CDK14: variants seen among roughly 807,000 people sequenced by gnomAD.
CDK14 encodes cyclin-dependent kinase 14.
Under a neutral mutation model 60.7 loss-of-function variants are expected in CDK14, and 34 were observed. The ratio of observed to expected loss-of-function variants is 0.56; its 90% CI spans 0.43 to 0.75. The LOEUF (loss-of-function observed/expected upper bound fraction) is 0.75, where lower values mean the gene tolerates loss of function less well. CDK14 is among the 30% of genes least tolerant of loss of function. The pLI is 0.00. For synonymous variants in CDK14, 197 were observed against 203.7 expected (o/e 0.97, Z 0.28); for missense variants, 482 against 564.1 (o/e 0.85, Z 1.47).
At chr7:90,698,384 A>G (rs1372780059) in intron 2 of CDK14, among the ~76,000 whole-genome samples, 3 of 152,186 alleles carry the variant, frequency 2.0e-5, no homozygotes, top group Non-Finnish European at 4.4e-5. Flanking sequence ...AAAGAGGGAA[A>G]ATACTTTTGT....
rs139543599 is a variant in CDK14, at chr7:91,053,985, A to G, written c.1105+8025A>G. Reference sequence around the variant, plus strand: ...AAACTATTTTTACATTCCCTTCAATATTTGTTATTTATACTCTACCTATTT... The same window carrying G: ...AAACTATTTTTACATTCCCTTCAATGTTTGTTATTTATACTCTACCTATTT... On this transcript the variant is annotated intron_variant, in intron 11 of 14. Transcript: ENST00000380050. Among the ~76,000 whole-genome samples, 259 of 150,960 alleles carry G rather than the reference A, an allele frequency of 1.7e-3. 6 individuals are homozygous for G. The East Asian group carries it at 0.04, about 23-fold the overall frequency.
At chr7:90,770,060 G>A (rs1437995721) in intron 4 of CDK14, among the ~76,000 whole-genome samples, 1 of 152,072 alleles carries the variant, frequency 6.6e-6, no homozygotes, top group East Asian at 1.9e-4. Flanking sequence ...TTACTGAATC[G>A]CTTCTTGGTT....
At chr7:90,603,752 A>C (rs1000044041) in intron 1 of CDK14, among the ~76,000 whole-genome samples, 2 of 152,246 alleles carry the variant, frequency 1.3e-5, no homozygotes, top group East Asian at 3.8e-4. Context: ...TTGTTTTAGC[A>C]GGCTTAGTCT....
chr7:91,039,120 C>T (rs1249021977), intron 10 of CDK14, among the ~76,000 whole-genome samples: 2 of 152,110 alleles, frequency 1.3e-5, no homozygotes, highest in African/African-American at 2.4e-5. Context: ...GCTTGACAAG[C>T]GCCCAGTCAC....
intron 6 of CDK14, among the ~76,000 whole-genome samples, chr7:90,870,944 G>A (rs1014688150): frequency 3.3e-5 from 5 of 152,146 alleles, no homozygotes; most frequent in African/African-American, 1.2e-4. Flanking sequence ...TTTAAAACAA[G>A]AATAGAAATC....
chr7:90,812,858 G>A (rs913075898), intron 5 of CDK14, among the ~76,000 whole-genome samples: 3 of 152,098 alleles, frequency 2.0e-5, no homozygotes, highest in African/African-American at 7.2e-5. Flanking sequence ...TAGTTTGACT[G>A]TTTTTTAAAG....
intron 5 of CDK14, among the ~76,000 whole-genome samples, chr7:90,822,669 G>T (rs1184129927): frequency 6.6e-6 from 1 of 152,142 alleles, no homozygotes; most frequent in Non-Finnish European, 1.5e-5. Context: ...AAACTTAGGT[G>T]CATAAATGAA....
intron 5 of CDK14, among the ~76,000 whole-genome samples, chr7:90,796,134 C>T (rs775728079): frequency 4.6e-5 from 7 of 151,976 alleles, no homozygotes; most frequent in Admixed American, 6.6e-5. Context: ...AGGAACTGGC[C>T]CTCAGTTGCG....
At chr7:90,848,538 A>G (rs1217325031) in intron 5 of CDK14, among the ~76,000 whole-genome samples, 1 of 152,032 alleles carries the variant, frequency 6.6e-6, no homozygotes, top group East Asian at 1.9e-4. Context: ...TTATTTCTTT[A>G]TTCCTCATTT....
chr7:90,867,200 A>G (rs768336392), intron 6 of CDK14, among the ~76,000 whole-genome samples: 6 of 152,178 alleles, frequency 3.9e-5, no homozygotes, highest in African/African-American at 7.2e-5. Flanking sequence ...AATGGTCTAA[A>G]ATATTATTAT....
chr7:90,864,935 T>G (rs140984582), intron 6 of CDK14, among the ~76,000 whole-genome samples: 1 of 152,248 alleles, frequency 6.6e-6, no homozygotes, highest in Non-Finnish European at 1.5e-5. Flanking sequence ...TGTTCCCAAC[T>G]TCTCCATGGA....
chr7:90,682,449 G>T (rs1227711565), intron 2 of CDK14, among the ~76,000 whole-genome samples: 1 of 152,092 alleles, frequency 6.6e-6, no homozygotes, highest in Admixed American at 6.5e-5. Flanking sequence ...TAGATAGGTA[G>T]ACATATAGTC....
At chr7:90,659,124 T>C (rs965368211) in intron 2 of CDK14, among the ~76,000 whole-genome samples, 2 of 152,244 alleles carry the variant, frequency 1.3e-5, no homozygotes, top group Non-Finnish European at 2.9e-5. Flanking sequence ...TTTCCTCTTA[T>C]GTCTTTCTTC....
chr7:91,176,991 G>A (rs1220713212), intron 14 of CDK14, among the ~76,000 whole-genome samples: 2 of 151,602 alleles, frequency 1.3e-5, no homozygotes, highest in African/African-American at 2.4e-5. Context: ...CCAAAGCCAG[G>A]CAGAGACACA....
chr7:90,994,520 T>A (rs1426410372), intron 10 of CDK14, among the ~76,000 whole-genome samples: 2 of 152,206 alleles, frequency 1.3e-5, no homozygotes, highest in Non-Finnish European at 2.9e-5. Flanking sequence ...GGACTGTGTT[T>A]TCAAGCTGCC....
At chr7:90,690,473 C>A (rs1236908187) in intron 2 of CDK14, among the ~76,000 whole-genome samples, 1 of 152,022 alleles carries the variant, frequency 6.6e-6, no homozygotes, top group Non-Finnish European at 1.5e-5. Context: ...TTAGAAATAC[C>A]CATTATTATG....
chr7:90,794,931 A>G (rs1805992690), intron 5 of CDK14, among the ~76,000 whole-genome samples: 1 of 152,220 alleles, frequency 6.6e-6, no homozygotes, highest in South Asian at 2.1e-4. Context: ...ATAAATGTCC[A>G]TGAAATCTTC....
intron 5 of CDK14, among the ~76,000 whole-genome samples, chr7:90,822,911 G>A (rs1228465149): frequency 1.3e-5 from 2 of 152,136 alleles, no homozygotes; most frequent in Non-Finnish European, 2.9e-5. Context: ...TATAATGCTT[G>A]CACTGTGTAC....
intron 5 of CDK14, among the ~76,000 whole-genome samples, chr7:90,799,738 C>T (rs550416161): frequency 8.1e-4 from 114 of 140,214 alleles, no homozygotes; most frequent in African/African-American, 2.6e-3. Flanking sequence ...AGCAATCATA[C>T]GGCAGAGCCT....
Sources: allele counts gnomAD v4.1 joint callset (sites outside exome capture counted in the v4.1 genomes callset), GRCh38; gene constraint gnomAD v4.1.1; transcripts MANE v1.5; gene names NCBI Gene and HGNC (gene_info 2026-07-23, HGNC 2026-07-21).